The following SMYD3 variants were observed in gnomAD, a reference collection of about 807,000 sequenced individuals.
SMYD3 encodes the protein histone-lysine N-methyltransferase SMYD3.
SMYD3 carries 36 observed loss-of-function variants against 57.7 expected under a neutral mutation model. That is an observed-to-expected ratio of 0.62 (90% CI 0.48 to 0.82). The LOEUF (loss-of-function observed/expected upper bound fraction) is 0.82, where lower values mean the gene tolerates loss of function less well. SMYD3 is among the 40% of genes least tolerant of loss of function. SMYD3 has a pLI of 0.00. For missense variants in SMYD3, 515 were observed against 538.8 expected (o/e 0.96, Z 0.44); for synonymous variants, 211 against 195.0 (o/e 1.08, Z -0.68).
chr1:246,444,719 T>C (rs1291699624), intron 1 of SMYD3, among the ~76,000 whole-genome samples: 1 of 152,178 alleles, frequency 6.6e-6, no homozygotes, highest in Non-Finnish European at 1.5e-5. Context: ...AATCCCGAAG[T>C]GTATATATAC....
At chr1:246,318,288 A>T (rs979336652) in intron 5 of SMYD3, among the ~76,000 whole-genome samples, 2 of 152,174 alleles carry the variant, frequency 1.3e-5, no homozygotes, top group African/African-American at 4.8e-5. Flanking sequence ...CAGGGGAATC[A>T]CTTAAGCCTA....
chr1:245,839,840 A>C (rs1388373245), intron 10 of SMYD3, among the ~76,000 whole-genome samples: 1 of 152,210 alleles, frequency 6.6e-6, no homozygotes, highest in South Asian at 2.1e-4. Context: ...AGAAAAAAAA[A>C]ACAATTTTTT....
At chr1:246,361,673 A>C (rs1430203122) in intron 1 of SMYD3, among the ~76,000 whole-genome samples, 1 of 152,218 alleles carries the variant, frequency 6.6e-6, no homozygotes, top group Non-Finnish European at 1.5e-5. Context: ...GAGACCATTA[A>C]TCTAAGTAAA....
At chr1:245,834,958 C>A (rs1162485342) in intron 10 of SMYD3, among the ~76,000 whole-genome samples, 1 of 152,076 alleles carries the variant, frequency 6.6e-6, no homozygotes, top group Non-Finnish European at 1.5e-5. Flanking sequence ...TGGGCCTTTT[C>A]CATTATATGA....
chr1:246,195,907 C>A (rs1417938767), intron 5 of SMYD3, among the ~76,000 whole-genome samples: 1 of 152,156 alleles, frequency 6.6e-6, no homozygotes, highest in East Asian at 1.9e-4. Context: ...CAGTGGTTGG[C>A]TGCCTGTGAT....
rs529713468 is a variant in SMYD3, at chr1:245,848,671, C to G, written c.1076+9825G>C. 2.6e-5 allele frequency among the ~76,000 whole-genome samples: 4 copies of G among 152,164 alleles called. No individual in the cohort carries two copies. The South Asian group carries it at 6.2e-4, about 24-fold the overall frequency. On this transcript the variant is annotated intron_variant, in intron 10 of 11. Coordinates refer to ENST00000490107, the MANE Select transcript of SMYD3 (RefSeq NM_001167740.2). ...AAGTTATCTTCCCACCTTAGCCTCC[C>G]AAAGTGCTGGGATTACAGGTGTGAG...
chr1:246,379,081 TACACACACACACAC>T (rs34560740), intron 1 of SMYD3, among the ~76,000 whole-genome samples: 13 of 130,522 alleles, frequency 1.0e-4, no homozygotes, highest in Admixed American at 2.6e-4. Context: ...CACACATACA[TACACACACACACAC>T]ACACACACAC....
chr1:245,899,569 C>T (rs1477315654), intron 8 of SMYD3, among the ~76,000 whole-genome samples: 1 of 152,170 alleles, frequency 6.6e-6, no homozygotes. Context: ...GGACTATAAT[C>T]CAGCAGAGTA....
chr1:245,798,845 C>G (rs1327858330), intron 10 of SMYD3, among the ~76,000 whole-genome samples: 1 of 152,094 alleles, frequency 6.6e-6, no homozygotes, highest in Non-Finnish European at 1.5e-5. Context: ...TTCTTTTCCC[C>G]CTAGAACACC....
At chr1:245,952,873 T>C (rs2057707941) in intron 5 of SMYD3, among the ~76,000 whole-genome samples, 1 of 152,168 alleles carries the variant, frequency 6.6e-6, no homozygotes, top group African/African-American at 2.4e-5. Context: ...GGGTTGTGTC[T>C]CTGCAAAAGC....
intron 5 of SMYD3, among the ~76,000 whole-genome samples, chr1:245,999,550 A>G (rs1438082638): frequency 6.6e-6 from 1 of 152,180 alleles, no homozygotes; most frequent in Non-Finnish European, 1.5e-5. Context: ...ATGTTTTTAA[A>G]CAACTAAGCT....
At chr1:246,372,129 C>T (rs962331159) in intron 1 of SMYD3, among the ~76,000 whole-genome samples, 1 of 152,214 alleles carries the variant, frequency 6.6e-6, no homozygotes, top group African/African-American at 2.4e-5. Flanking sequence ...TTAAATGTTA[C>T]AGCTGCAAGT....
At chr1:245,828,825 C>A (rs972200287) in intron 10 of SMYD3, among the ~76,000 whole-genome samples, 4 of 152,122 alleles carry the variant, frequency 2.6e-5, no homozygotes, top group Middle Eastern at 3.4e-3. Flanking sequence ...GCCTCAGCCT[C>A]CCAAGTAACT....
intron 5 of SMYD3, among the ~76,000 whole-genome samples, chr1:246,080,066 C>T (rs189577289): frequency 4.6e-4 from 70 of 152,292 alleles, no homozygotes; most frequent in East Asian, 2.1e-3. Flanking sequence ...CACCAAAACT[C>T]GACTTTATTT....
At position 245,960,702 on chromosome 1, in the gene SMYD3, G is replaced by A. The variant is rs529078046; in HGVS notation, c.532-30765C>T. Among the ~76,000 whole-genome samples the A allele has an allele frequency of 4.2e-3, 630 of 151,548 alleles. 6 individuals carry two copies. Among genetic ancestry groups the A allele is most frequent in the African/African-American group, 0.014 (594 of 41,120 alleles). ...AGACCATGCCACTGCACTCCAGCCT[G>A]GGTGACAGAAACCAGACTCTGTCTC... On this transcript the variant is annotated intron_variant, in intron 5 of 11. Coordinates refer to ENST00000490107, the MANE Select transcript of SMYD3 (RefSeq NM_001167740.2).
At chr1:246,298,381 T>G (rs1435099311) in intron 5 of SMYD3, among the ~76,000 whole-genome samples, 1 of 152,130 alleles carries the variant, frequency 6.6e-6, no homozygotes, top group African/African-American at 2.4e-5. Context: ...ATATTAAAGC[T>G]TACAAACCCA....
At chr1:246,292,962 A>T (rs2064724291) in intron 5 of SMYD3, among the ~76,000 whole-genome samples, 1 of 152,190 alleles carries the variant, frequency 6.6e-6, no homozygotes, top group Non-Finnish European at 1.5e-5. Context: ...AAAATTGCTG[A>T]TGAAATCAAG....
At chr1:245,795,855 C>G (rs1458059635) in intron 10 of SMYD3, among the ~76,000 whole-genome samples, 1 of 152,216 alleles carries the variant, frequency 6.6e-6, no homozygotes, top group Non-Finnish European at 1.5e-5. Flanking sequence ...TAAATACAGT[C>G]TCTCTCCCTA....
chr1:246,364,513 CG>C (rs1388544696), intron 1 of SMYD3, among the ~76,000 whole-genome samples: 1 of 152,108 alleles, frequency 6.6e-6, no homozygotes, highest in Non-Finnish European at 1.5e-5. Flanking sequence ...TATTTCAATA[CG>C]TTTTCAAAAG....
Sources: gnomAD v4.1 joint callset for allele counts (sites outside exome capture counted in the v4.1 genomes callset) on GRCh38, gnomAD v4.1.1 for gene constraint, MANE v1.5 for transcripts, NCBI Gene and HGNC (gene_info 2026-07-23, HGNC 2026-07-21) for gene names.